The following ADAMTS9 variants were observed in gnomAD, a reference collection of about 807,000 sequenced individuals.
ADAMTS9 encodes the protein A disintegrin and metalloproteinase with thrombospondin motifs 9.
ADAMTS9 carries 107 observed loss-of-function variants against 257.1 expected under a neutral mutation model. That is an observed-to-expected ratio of 0.42 (90% CI 0.36 to 0.49). The LOEUF is 0.49. ADAMTS9 is among the 20% of genes least tolerant of loss of function. The pLI is 0.03. For synonymous variants in ADAMTS9, 982 were observed against 880.9 expected, an observed-to-expected ratio of 1.11 and a Z score of -2.03; for missense variants, 2,353 against 2,469.1, an observed-to-expected ratio of 0.95 and a Z score of 1.00.
At chr3:64,680,570 G>A (rs75094500) in intron 3 of ADAMTS9, among the ~76,000 whole-genome samples, 9,087 of 152,110 alleles carry the variant, frequency 0.06, 381 homozygotes, top group Admixed American at 0.14. Flanking sequence ...ACATGTCAGC[G>A]CAAAACCTCA....
At chr3:64,642,090 C>T in intron 11 of ADAMTS9, 97 bp from the exon 12 acceptor site, 2 of 1,384,924 alleles carry the variant, frequency 1.4e-6, no homozygotes, top group Non-Finnish European at 2.0e-6. Flanking sequence ...AATTCTTTTC[C>T]ATGTGTGGGT....
At chr3:64,649,549 T>C (rs1357521759) in intron 10 of ADAMTS9, 88 bp downstream of exon 10, 3 of 1,444,330 alleles carry the variant, frequency 2.1e-6, no homozygotes, top group African/African-American at 2.9e-5. Flanking sequence ...GGGTAGTTTA[T>C]AGTCGAGTTA....
intron 3 of ADAMTS9, among the ~76,000 whole-genome samples, chr3:64,666,456 C>T (rs1012602852): frequency 2.6e-5 from 4 of 152,314 alleles, no homozygotes; most frequent in South Asian, 4.1e-4. Context: ...AGGCGAGACC[C>T]CTTTCTGCTC....
rs17071010 is a variant in ADAMTS9 at position 64,551,026 on chromosome 3, T to C, written c.4735A>G (p.Lys1579Glu). 1.1e-4 allele frequency: 177 copies of C among 1,614,146 alleles called. 2 individuals carry two copies. The African/African-American group carries it at 2.1e-3, about 19-fold the overall frequency. Residue 1579 changes from lysine (K) to glutamate (E), a missense_variant, in exon 31 of 40, where the codon AAG (lysine) becomes GAG (glutamate). Physicochemically the swap from Lys to Glu is moderately conservative, Grantham distance 56. Around this residue, in one of 3 missense-constraint regions of ADAMTS9, gnomAD observed 1,402 missense variants for 1,441.4 expected, o/e 0.97. Transcript: ENST00000498707. ...KTCGEGSRYR[K>E]VVCVDDNKNE... ...TTGTTGTCATCCACACACACCACCT[T>C]GCGGTACCTGGAGCCTTCGCCGCAG...
chr3:64,594,412 C>G lies in ADAMTS9; in HGVS notation c.4202G>C (p.Gly1401Ala). ...ACAGACCACCAGTCTTGTTCTTATG[C>G]CTCCACCACACAGCTTAGTGCACTG... Reference protein sequence around the residue: ...WGECTKLCGGGIRTRLVVCQR... With the variant: ...WGECTKLCGGAIRTRLVVCQR... Residue 1401 changes from glycine (G) to alanine (A), a missense_variant, in exon 28 of 40, where the codon GGC (glycine) becomes GCC (alanine). Gly to Ala is a moderately conservative substitution (Grantham distance 60, BLOSUM62 0). This residue lies in a region of ADAMTS9 where 1,402 missense variants were observed against 1,441.4 expected (regional missense o/e 0.97). Coordinates refer to ENST00000498707, the MANE Select transcript of ADAMTS9 (RefSeq NM_182920.2). The G allele has an allele frequency of 6.2e-7, 1 of 1,613,970 alleles. No individual in the cohort carries two copies. The highest frequency in any genetic ancestry group is 1.1e-5 in the South Asian group (1 of 91,076).
chr3:64,535,572 G>A (rs1193942397), intron 37 of ADAMTS9, among the ~76,000 whole-genome samples: 4 of 53,962 alleles, frequency 7.4e-5, no homozygotes, highest in Admixed American at 1.8e-4. Flanking sequence ...TTTTTTTTTT[G>A]AGACAAGGTC....
intron 3 of ADAMTS9, among the ~76,000 whole-genome samples, chr3:64,671,676 G>A (rs773168676): frequency 4.6e-5 from 7 of 152,112 alleles, no homozygotes; most frequent in Non-Finnish European, 8.8e-5. Context: ...TTTGCCTCAC[G>A]TTTGACTTTG....
At chr3:64,609,161 C>T (rs754301917) in intron 22 of ADAMTS9, among the ~76,000 whole-genome samples, 1 of 152,216 alleles carries the variant, frequency 6.6e-6, no homozygotes, top group East Asian at 1.9e-4. Context: ...CCACAGCTAA[C>T]ACCATACTCA....
chr3:64,539,412 G>T, intron 36 of ADAMTS9, 118 bp from the exon 37 acceptor site: 1 of 829,660 alleles, frequency 1.2e-6, no homozygotes, highest in Non-Finnish European at 2.0e-6. Context: ...GGGAATGGGA[G>T]AGAAAGAAGC....
intron 30 of ADAMTS9, among the ~76,000 whole-genome samples, chr3:64,555,824 G>A (rs12635161): frequency 2.0e-5 from 3 of 151,474 alleles, no homozygotes; most frequent in East Asian, 1.9e-4. Flanking sequence ...GTGGAGAAGC[G>A]GGGGAGCAGA....
intron 21 of ADAMTS9, 152 bp from the exon 22 acceptor site, chr3:64,613,661 T>G: frequency 1.4e-6 from 1 of 728,586 alleles, no homozygotes; most frequent in Non-Finnish European, 2.1e-6. Context: ...CCTCATTTTT[T>G]TCCTTTTGTT....
Position 64,687,717 on chromosome 3 carries a change from G to T in ADAMTS9, c.-60C>A. On this transcript the variant is annotated 5_prime_UTR_variant, in exon 1 of 40. Coordinates refer to ENST00000498707, the MANE Select transcript of ADAMTS9 (RefSeq NM_182920.2). The surrounding 1 kb of genome is among the most constrained non-coding windows in gnomAD (Gnocchi z 4.4). Reference sequence around the variant, plus strand: ...CCCCTCCCTCCTGCCCTCCTTGGCTGCGGCGGCGACGCGAGGCAGCGGCCG... The same window carrying T: ...CCCCTCCCTCCTGCCCTCCTTGGCTTCGGCGGCGACGCGAGGCAGCGGCCG... 7.6e-7 allele frequency: 1 copy of T among 1,321,070 alleles called. No homozygotes were observed. The highest frequency in any genetic ancestry group is 1.0e-6 in the Non-Finnish European group (1 of 992,232). The allele number at this position is 1,321,070 out of a possible 1,614,324, so 81.8% of individuals were successfully genotyped here.
At position 64,601,932 on chromosome 3, in the gene ADAMTS9, G is replaced by A. The variant is rs748512633; in HGVS notation, c.4017+12C>T. 2 of 1,581,928 alleles carry A rather than the reference G, an allele frequency of 1.3e-6. No individual in the cohort carries two copies. The highest frequency in any genetic ancestry group is 1.8e-5 in the Admixed American group (1 of 56,370). Reference sequence around the variant, plus strand: ...GTGAAAGAGAAGCAAGCAAACTTCAGGGAATACTCACTGCTCCCCAGGGGC... The same window carrying A: ...GTGAAAGAGAAGCAAGCAAACTTCAAGGAATACTCACTGCTCCCCAGGGGC... On this transcript the variant is annotated intron_variant, in intron 26 of 39. Coordinates refer to ENST00000498707, the MANE Select transcript of ADAMTS9 (RefSeq NM_182920.2).
intron 16 of ADAMTS9, among the ~76,000 whole-genome samples, chr3:64,627,793 G>A (rs773823095): frequency 2.0e-5 from 3 of 152,206 alleles, no homozygotes; most frequent in African/African-American, 7.2e-5. Flanking sequence ...ACACAGAAAA[G>A]TATGGCTTGG....
intron 28 of ADAMTS9, among the ~76,000 whole-genome samples, chr3:64,585,370 A>T (rs1012319149): frequency 6.6e-6 from 1 of 152,136 alleles, no homozygotes; most frequent in East Asian, 1.9e-4. Context: ...ATGAGGGGTG[A>T]TGAGAGGAAG....
intron 32 of ADAMTS9, among the ~76,000 whole-genome samples, chr3:64,545,085 G>A (rs552867720): frequency 3.3e-4 from 51 of 152,272 alleles, no homozygotes; most frequent in Non-Finnish European, 5.0e-4. Flanking sequence ...TTAGAATGGC[G>A]ATTATTAAAA....
chr3:64,538,478 T>C (rs1483077211), intron 37 of ADAMTS9, among the ~76,000 whole-genome samples: 1 of 142,330 alleles, frequency 7.0e-6, no homozygotes, highest in South Asian at 2.2e-4. Context: ...AACATTAAAT[T>C]AAAAAAAAAA....
At chr3:64,638,694 A>G (rs536639933) in intron 12 of ADAMTS9, among the ~76,000 whole-genome samples, 1 of 152,314 alleles carries the variant, frequency 6.6e-6, no homozygotes, top group Non-Finnish European at 1.5e-5. Flanking sequence ...GACCAAAATT[A>G]GAAAGCGTAT....
chr3:64,644,489 C>T (rs1429838909), intron 11 of ADAMTS9, among the ~76,000 whole-genome samples: 1 of 152,210 alleles, frequency 6.6e-6, no homozygotes, highest in African/African-American at 2.4e-5. Context: ...AGATTATTCA[C>T]TCAATATCCA....
Sources: allele counts gnomAD v4.1 joint callset (sites outside exome capture counted in the v4.1 genomes callset), GRCh38; gene constraint gnomAD v4.1.1; regional missense constraint gnomAD v4.1.1; non-coding constraint Gnocchi (gnomAD v3.1); transcripts MANE v1.5; gene names NCBI Gene and HGNC (gene_info 2026-07-23, HGNC 2026-07-21).